The following DPP6 variants were observed in gnomAD, a reference collection of about 807,000 sequenced individuals.
The protein encoded by DPP6 is dipeptidyl peptidase like 6, also known as A-type potassium channel modulatory protein DPP6.
Under a neutral mutation model 122.6 loss-of-function variants are expected in DPP6, and 69 were observed. The ratio of observed to expected loss-of-function variants is 0.56; its 90% CI spans 0.46 to 0.69. DPP6 has a LOEUF of 0.69. DPP6 is among the 30% of genes least tolerant of loss of function. DPP6 has a pLI of 0.00. For missense variants in DPP6, 928 were observed against 1,116.9 expected (o/e 0.83, Z 2.41); for synonymous variants, 418 against 433.1 (o/e 0.97, Z 0.43).
At chr7:154,549,506 G>A (rs895434465) in intron 4 of DPP6, among the ~76,000 whole-genome samples, 2 of 152,258 alleles carry the variant, frequency 1.3e-5, no homozygotes, top group African/African-American at 2.4e-5. Context: ...TTTACTTAGC[G>A]ACAAGATGAC....
chr7:153,863,259 T>C, the DPP6 span, among the ~76,000 whole-genome samples: 15 of 152,292 alleles, frequency 9.8e-5, no homozygotes, highest in Non-Finnish European at 1.6e-4. Flanking sequence ...GCAAAGGACA[T>C]GAACTCATCC....
intron 1 of DPP6, among the ~76,000 whole-genome samples, chr7:153,974,433 G>T (rs1184267687): frequency 3.3e-5 from 5 of 152,114 alleles, no homozygotes; most frequent in Non-Finnish European, 2.9e-5. Flanking sequence ...AAAAAAGAAG[G>T]GTTTGGGTTA....
At chr7:154,165,420 G>T (rs1381754882) in intron 1 of DPP6, among the ~76,000 whole-genome samples, 1 of 147,762 alleles carries the variant, frequency 6.8e-6, no homozygotes, top group South Asian at 2.1e-4. Flanking sequence ...TGGACATTTG[G>T]GTTGGTTCCA....
At chr7:154,463,857 C>T (rs1202507403) in intron 2 of DPP6, among the ~76,000 whole-genome samples, 1 of 152,110 alleles carries the variant, frequency 6.6e-6, no homozygotes, top group Non-Finnish European at 1.5e-5. Context: ...TTTCTCTTCC[C>T]TCTCCTCTCC....
At chr7:154,540,466 T>C (rs1398910083) in intron 3 of DPP6, 66 bp from the exon 4 acceptor site, 6 of 991,560 alleles carry the variant, frequency 6.1e-6, no homozygotes, top group Non-Finnish European at 3.1e-6. Flanking sequence ...TACATAAGCA[T>C]TCGTCAAAAG....
intron 1 of DPP6, among the ~76,000 whole-genome samples, chr7:153,990,238 C>T: frequency 9.4e-6 from 1 of 105,938 alleles, no homozygotes; most frequent in African/African-American, 3.7e-5. Context: ...CCAGCCCCAC[C>T]CTCAGGCAGC....
At chr7:154,514,620 T>G (rs562572861) in intron 3 of DPP6, among the ~76,000 whole-genome samples, 1 of 152,314 alleles carries the variant, frequency 6.6e-6, no homozygotes, top group African/African-American at 2.4e-5. Flanking sequence ...GGACCTCATG[T>G]CAGTGGAATC....
the DPP6 span, among the ~76,000 whole-genome samples, chr7:153,773,554 CA>C: frequency 6.6e-6 from 1 of 150,694 alleles, no homozygotes; most frequent in African/African-American, 2.4e-5. Context: ...AATTAATATC[CA>C]ATAGGTATCT....
chr7:154,715,678 C>T (rs1229783807), intron 7 of DPP6, among the ~76,000 whole-genome samples: 1 of 152,186 alleles, frequency 6.6e-6, no homozygotes, highest in Non-Finnish European at 1.5e-5. Flanking sequence ...AATTGATGTT[C>T]CCCTGGCTGT....
intron 1 of DPP6, among the ~76,000 whole-genome samples, chr7:154,302,975 G>GTTTT (rs1806010330): frequency 1.5e-5 from 2 of 136,592 alleles, no homozygotes; most frequent in South Asian, 4.7e-4. Context: ...TGGGGTTTTA[G>GTTTT]TTTTTTTGTT....
intron 1 of DPP6, among the ~76,000 whole-genome samples, chr7:154,262,069 GT>G (rs1803059577): frequency 1.3e-5 from 2 of 152,006 alleles, no homozygotes; most frequent in African/African-American, 4.8e-5. Flanking sequence ...TGGATTCAGT[GT>G]TTTGAAGTTA....
At chr7:154,802,858 T>A (rs1051401121) in intron 13 of DPP6, among the ~76,000 whole-genome samples, 4 of 151,484 alleles carry the variant, frequency 2.6e-5, no homozygotes, top group Non-Finnish European at 5.9e-5. Context: ...AAAAAAAGAT[T>A]TATAAATGCT....
rs531240694 is a variant in DPP6 at position 154,604,026 on chromosome 7, C to G, written c.628-33795C>G. On this transcript the variant is annotated intron_variant, in intron 5 of 25. Coordinates refer to ENST00000377770, the MANE Select transcript of DPP6 (RefSeq NM_130797.4). The stretch of plus-strand genomic sequence containing the variant: ...GTGTACTTTTTCTGGACATGTTATT[C>G]TTTTACTTAAAAGTTTATTTTAAAA... Among the ~76,000 whole-genome samples the G allele has an allele frequency of 2.0e-4, 24 of 120,970 alleles. 4 individuals are homozygous for G. The highest frequency in any genetic ancestry group is 5.8e-4 in the African/African-American group (22 of 38,092). 79.4% of individuals were successfully genotyped at this position (120,970 alleles called of 152,430 possible).
At chr7:153,754,917 C>T in the DPP6 span, among the ~76,000 whole-genome samples, 11 of 151,486 alleles carry the variant, frequency 7.3e-5, no homozygotes, top group South Asian at 4.2e-4. Context: ...TTTAATTCAC[C>T]GTGAGTATCT....
intron 8 of DPP6, among the ~76,000 whole-genome samples, chr7:154,757,963 G>A (rs1187447760): frequency 2.6e-5 from 4 of 152,042 alleles, no homozygotes; most frequent in East Asian, 1.9e-4. Flanking sequence ...CAAGTGCCGC[G>A]CTCTCCCCCC....
intron 16 of DPP6, among the ~76,000 whole-genome samples, chr7:154,811,011 G>T (rs1427636531): frequency 6.6e-6 from 1 of 152,176 alleles, no homozygotes; most frequent in Non-Finnish European, 1.5e-5. Context: ...TCACGCTAGG[G>T]TTTCCTGAAT....
the DPP6 span, among the ~76,000 whole-genome samples, chr7:153,855,877 T>C: frequency 6.6e-6 from 1 of 152,190 alleles, no homozygotes; most frequent in Admixed American, 6.5e-5. Context: ...TCAACATTCC[T>C]GTGGAAACTG....
chr7:154,705,948 T>G (rs1563123937), intron 7 of DPP6, among the ~76,000 whole-genome samples: 1 of 152,228 alleles, frequency 6.6e-6, no homozygotes, highest in Non-Finnish European at 1.5e-5. Flanking sequence ...TTGGAAGGCC[T>G]GTGAAGGCCA....
chr7:154,404,694 TA>T (rs1815922999), intron 1 of DPP6, among the ~76,000 whole-genome samples: 1 of 152,220 alleles, frequency 6.6e-6, no homozygotes, highest in African/African-American at 2.4e-5. Context: ...CCTATTTCAA[TA>T]GTTGTGATTC....
Sources: allele counts gnomAD v4.1 joint callset (sites outside exome capture counted in the v4.1 genomes callset), GRCh38; gene constraint gnomAD v4.1.1; transcripts MANE v1.5; gene names NCBI Gene and HGNC (gene_info 2026-07-23, HGNC 2026-07-21).